The following UBN1 variants were observed in gnomAD, a reference collection of about 807,000 sequenced individuals.
The protein encoded by UBN1 is ubinuclein-1.
In UBN1, 17 loss-of-function variants were observed where a neutral mutation model predicts 108.5. That is an observed-to-expected ratio of 0.16 (90% confidence interval 0.11 to 0.24). The LOEUF (loss-of-function observed/expected upper bound fraction) is 0.24, where lower values mean the gene tolerates loss of function less well. Among genes scored for constraint, UBN1 ranks in the 10% least tolerant of loss-of-function variants. UBN1 has a pLI of 1.00. For missense variants in UBN1, 1,595 were observed against 1,394.4 expected, an observed-to-expected ratio of 1.14 and a Z score of -2.29; for synonymous variants, 726 against 564.2, an observed-to-expected ratio of 1.29 and a Z score of -4.07.
chr16:4,849,508 A>G lies in UBN1; in HGVS notation c.-40+1298A>G, dbSNP rs1260992379. ...TATATATAGTAAGAAAAAATTAAAA[A>G]TTGCTGAGGATAACCAAGGGACAAG... On this transcript the variant is annotated intron_variant, in intron 1 of 17. Coordinates refer to ENST00000262376, the MANE Select transcript of UBN1 (RefSeq NM_001079514.3). Among the ~76,000 whole-genome samples, 5 of 152,274 alleles carry G rather than the reference A, an allele frequency of 3.3e-5. No individual in the cohort carries two copies. In the East Asian group the frequency reaches 9.6e-4, roughly 29 times the overall value.
chr16:4,873,815 C>T (rs1447542713), intron 14 of UBN1, among the ~76,000 whole-genome samples: 1 of 152,248 alleles, frequency 6.6e-6, no homozygotes, highest in Non-Finnish European at 1.5e-5. Flanking sequence ...GGAAAAATAG[C>T]TGCTTTAAGG....
At position 4,859,103 on chromosome 16, in the gene UBN1, C is replaced by G. The variant is rs1293676983; in HGVS notation, c.511C>G (p.Gln171Glu). 2.5e-6 allele frequency: 4 copies of G among 1,614,172 alleles called. No individual in the cohort carries two copies. The highest frequency in any genetic ancestry group is 3.4e-6 in the Non-Finnish European group (4 of 1,180,022). The change falls in exon 5 of 18, where the codon CAA becomes GAA. Residue 171 changes from glutamine (Q) to glutamate (E), a missense_variant. Physicochemically the swap from Gln to Glu is conservative, Grantham distance 29 (BLOSUM62 2). Transcript: ENST00000262376. ...YINSGTLQFR[Q>E]ASESEDDFIK... Reference sequence around the variant, plus strand: ...TAACTCGGGAACCCTGCAGTTTAGACAAGCATCAGAGTCTGAAGATGACTT... The same window carrying G: ...TAACTCGGGAACCCTGCAGTTTAGAGAAGCATCAGAGTCTGAAGATGACTT...
chr16:4,873,688 T>C (rs935272157), intron 14 of UBN1, among the ~76,000 whole-genome samples: 3 of 152,182 alleles, frequency 2.0e-5, no homozygotes, highest in African/African-American at 4.8e-5. Flanking sequence ...CCAGACACAC[T>C]GTATTAAGCA....
At chr16:4,874,152 C>T in intron 14 of UBN1, 59 bp from the exon 15 acceptor site, 1 of 1,499,318 alleles carries the variant, frequency 6.7e-7, no homozygotes. Context: ...ATCCTCACAA[C>T]AGGCCAATGT....
rs528866880 is a variant in UBN1, at chr16:4,860,527, G to A, written c.672-137G>A. ...AAGAACGAGCTCCATATGCCAAGAG[G>A]AGGGAGGAGGAATGACAGGGTGGAC... On this transcript the variant is annotated intron_variant, in intron 6 of 17. Transcript: ENST00000262376. 3.8e-5 allele frequency: 34 copies of A among 891,546 alleles called. No homozygotes were observed. In the South Asian group the frequency reaches 5.5e-4, roughly 14 times the overall value. The allele number at this position is 891,546 out of a possible 1,614,324, so 55.2% of individuals were successfully genotyped here. A position where few individuals can be genotyped will look rare whatever the true frequency, so the allele number is the denominator to read the frequency against.
At position 4,873,053 on chromosome 16, in the gene UBN1, C is replaced by A; in HGVS notation, c.1780C>A (p.Pro594Thr). 6.2e-7 allele frequency: 1 copy of A among 1,614,162 alleles called. No individual in the cohort carries two copies. The highest frequency in any genetic ancestry group is 8.5e-7 in the Non-Finnish European group (1 of 1,180,034). ...CAGGGCCAAGAAGAAAGTTATGGCCCCTTCTAAAATCAAGGTGAAGGTGAG... is the reference window on the plus strand; with the variant it reads ...CAGGGCCAAGAAGAAAGTTATGGCCACTTCTAAAATCAAGGTGAAGGTGAG... ...SILAKKKVMA[P>T]SKIKVKESST... The change falls in exon 14 of 18, where the codon CCT becomes ACT. Residue 594 changes from proline (P) to threonine (T), a missense_variant. Coordinates refer to ENST00000262376, the MANE Select transcript of UBN1 (RefSeq NM_001079514.3).
Position 4,877,645 on chromosome 16 carries a change from A to G in UBN1, c.3355+171A>G. The G allele has an allele frequency of 7.7e-7, 1 of 1,304,534 alleles. No individual in the cohort carries two copies. Among genetic ancestry groups the G allele is most frequent in the Non-Finnish European group, 9.7e-7 (1 of 1,027,704 alleles). The allele number at this position is 1,304,534 out of a possible 1,614,324, so 80.8% of individuals were successfully genotyped here. On this transcript the variant is annotated intron_variant, in intron 17 of 17. Coordinates refer to ENST00000262376, the MANE Select transcript of UBN1 (RefSeq NM_001079514.3). This position sits in a 1 kb window ranked among gnomAD's most constrained non-coding sequence, Gnocchi z 4.3. ...AGTACTCAGGGTGACACGCACTTCTACTCTTGGGGTTTCCTCTGGTCCCCA... is the reference window on the plus strand; with the variant it reads ...AGTACTCAGGGTGACACGCACTTCTGCTCTTGGGGTTTCCTCTGGTCCCCA...
chr16:4,878,342 G>A (rs1252041783), intron 17 of UBN1, among the ~76,000 whole-genome samples: 3 of 152,156 alleles, frequency 2.0e-5, no homozygotes, highest in African/African-American at 4.8e-5. Flanking sequence ...AGAGCCGCTC[G>A]TATGGAAGCC....
intron 7 of UBN1, among the ~76,000 whole-genome samples, chr16:4,867,356 C>A (rs1210501563): frequency 6.6e-6 from 1 of 152,086 alleles, no homozygotes; most frequent in Non-Finnish European, 1.5e-5. Context: ...TGTTTTCTAA[C>A]CAAATGTGGG....
Position 4,871,182 on chromosome 16 carries a change from C to T in UBN1, c.1587C>T (p.Ile529=). Residue 529 remains isoleucine, a synonymous_variant, in exon 12 of 18, where the codon ATC becomes ATT. Transcript: ENST00000262376. ...IRELLCQVVK[I]KLESQDLERN... ...AGCTACTGTGCCAGGTGGTGAAGAT[C>T]AAACTGGAGAGCCAGGACCTGGAGA... is the stretch of plus-strand genomic sequence containing the variant. The T allele has an allele frequency of 3.1e-6, 5 of 1,614,214 alleles. No individual in the cohort carries two copies. Among genetic ancestry groups the T allele is most frequent in the Non-Finnish European group, 4.2e-6 (5 of 1,180,044 alleles).
intron 2 of UBN1, among the ~76,000 whole-genome samples, chr16:4,854,463 C>G (rs1472454396): frequency 6.6e-6 from 1 of 151,688 alleles, no homozygotes. Flanking sequence ...CCTGCCTCAG[C>G]CTCCCGAGTA....
Position 4,861,018 on chromosome 16 carries a change from A to G in UBN1, c.1026A>G (p.Gly342=). The G allele has an allele frequency of 6.2e-7, 1 of 1,614,126 alleles. No individual in the cohort carries two copies. The highest frequency in any genetic ancestry group is 8.5e-7 in the Non-Finnish European group (1 of 1,180,016). ...MDDGSDSLGV[G]LDQEFRQPSS... is the part of the protein sequence containing the mutation. ...ATGGAAGTGATTCCCTTGGGGTGGG[A>G]TTGGACCAGGAATTCAGGCAGCCCT... The change falls in exon 7 of 18, where the codon GGA becomes GGG. Residue 342 remains glycine (G), a synonymous_variant. Transcript: ENST00000262376.
At position 4,853,031 on chromosome 16, in the gene UBN1, T is replaced by C. The variant is rs867799556; in HGVS notation, c.114T>C (p.Cys38=). Residue 38 remains cysteine, a synonymous_variant, in exon 2 of 18, where the codon TGT becomes TGC. Coordinates refer to ENST00000262376, the MANE Select transcript of UBN1 (RefSeq NM_001079514.3). ...EAGAGEQHQD[C]EPAAAAVRIT... is the part of the protein sequence containing the mutation. ...GGGCAGGAGAACAGCATCAGGACTG[T>C]GAGCCGGCTGCAGCAGCTGTTCGGA... 1 of 1,614,232 alleles carries C rather than the reference T, an allele frequency of 6.2e-7. No homozygotes were observed. Among genetic ancestry groups the C allele is most frequent in the Middle Eastern group, 1.6e-4 (1 of 6,062 alleles).
intron 2 of UBN1, among the ~76,000 whole-genome samples, chr16:4,854,444 A>C (rs981384196): frequency 7.0e-6 from 1 of 142,978 alleles, no homozygotes; most frequent in Non-Finnish European, 1.5e-5. Flanking sequence ...CCCAGGTTCA[A>C]ATGTTTCTCC....
chr16:4,851,599 G>A (rs1329406548), intron 1 of UBN1, among the ~76,000 whole-genome samples: 2 of 152,204 alleles, frequency 1.3e-5, no homozygotes, highest in East Asian at 1.9e-4. Flanking sequence ...AAGGAGGGTC[G>A]CTTGAGGTTG....
In UBN1 at chr16:4,874,926, G is replaced by C; in HGVS notation, c.2516G>C (p.Arg839Pro). 1 of 1,614,100 alleles carries C rather than the reference G, an allele frequency of 6.2e-7. No individual in the cohort carries two copies. The highest frequency in any genetic ancestry group is 8.5e-7 in the Non-Finnish European group (1 of 1,180,036). ...AAGGCTTCTCCCACACAGTGTCATC[G>C]TTCCCTCCTGCAGTTAGTGAAGACA... Reference protein sequence around the residue: ...GPKASPTQCHRSLLQLVKTAA... With the variant: ...GPKASPTQCHPSLLQLVKTAA... The change falls in exon 15 of 18, where the codon CGT (arginine) becomes CCT (proline). Residue 839 changes from arginine (R) to proline (P), a missense_variant. Physicochemically the swap from Arg to Pro is moderately radical, Grantham distance 103. Around this residue, in one of 3 missense-constraint regions of UBN1, gnomAD observed 1,398 missense variants for 1,194.7 expected, o/e 1.17. Transcript: ENST00000262376.
At chr16:4,852,058 A>C (rs2086585338) in intron 1 of UBN1, among the ~76,000 whole-genome samples, 1 of 152,316 alleles carries the variant, frequency 6.6e-6, no homozygotes, top group African/African-American at 2.4e-5. Flanking sequence ...GGTTGCTTCC[A>C]TCATTTTTCT....
Position 4,873,059 on chromosome 16 carries a change from A to G in UBN1, c.1786A>G (p.Lys596Glu). 2 of 1,614,224 alleles carry G rather than the reference A, an allele frequency of 1.2e-6. No individual in the cohort carries two copies. The highest frequency in any genetic ancestry group is 1.7e-6 in the Non-Finnish European group (2 of 1,180,044). Residue 596 changes from lysine to glutamate, a missense_variant, in exon 14 of 18, where the codon AAA becomes GAA. By Grantham distance (56) the Lys-to-Glu change is moderately conservative. Coordinates refer to ENST00000262376, the MANE Select transcript of UBN1 (RefSeq NM_001079514.3). ...LAKKKVMAPS[K>E]IKVKESSTKP... The stretch of plus-strand genomic sequence containing the variant: ...CAAGAAGAAAGTTATGGCCCCTTCT[A>G]AAATCAAGGTGAAGGTGAGTCAGTT...
chr16:4,874,892 C>A lies in UBN1; in HGVS notation c.2482C>A (p.Gln828Lys). Residue 828 changes from glutamine (Q) to lysine (K), a missense_variant, in exon 15 of 18, where the codon CAA (glutamine) becomes AAA (lysine). Transcript: ENST00000262376. ...TPPSPFANKL[Q>K]GPKASPTQCH... is the part of the protein sequence containing the mutation. ...CCCATCTCCATTTGCCAATAAGCTC[C>A]AAGGCCCAAAGGCTTCTCCCACACA... 1 of 1,614,170 alleles carries A rather than the reference C, an allele frequency of 6.2e-7. No homozygotes were observed.
Sources: gnomAD v4.1 joint callset for allele counts (sites outside exome capture counted in the v4.1 genomes callset) on GRCh38, gnomAD v4.1.1 for gene constraint, gnomAD v4.1.1 regional missense constraint, Gnocchi (gnomAD v3.1) non-coding constraint, MANE v1.5 for transcripts, NCBI Gene and HGNC (gene_info 2026-07-23, HGNC 2026-07-21) for gene names.